THRB: variants seen among roughly 807,000 people sequenced by gnomAD.
The protein encoded by THRB is nuclear receptor subfamily 1 group A member 2.
A neutral mutation model predicts 47.8 loss-of-function variants in THRB; 12 were observed. The observed-to-expected ratio is 0.25, with a 90% confidence interval of 0.16 to 0.41. THRB has a LOEUF of 0.41. Ranked by LOEUF, THRB falls within the 10% of genes least tolerant of loss-of-function variation. The pLI is 1.00. For missense variants in THRB, 348 were observed against 589.2 expected (o/e 0.59, Z 4.24); for synonymous variants, 218 against 212.2 (o/e 1.03, Z -0.24).
At chr3:24,262,456 C>T (rs969389090) in intron 3 of THRB, among the ~76,000 whole-genome samples, 2 of 152,212 alleles carry the variant, frequency 1.3e-5, no homozygotes, top group Non-Finnish European at 2.9e-5. Flanking sequence ...TCCTATCACA[C>T]TTGGGGTAAA....
intron 3 of THRB, 104 bp downstream of exon 3, chr3:24,297,122 A>G (rs1408819770): frequency 6.6e-6 from 1 of 152,234 alleles, no homozygotes; most frequent in Non-Finnish European, 1.5e-5. Context: ...GAGACAATGA[A>G]TTAATAAGAA....
intron 1 of THRB, among the ~76,000 whole-genome samples, chr3:24,396,212 C>A (rs1167464607): frequency 6.6e-6 from 1 of 152,056 alleles, no homozygotes; most frequent in Non-Finnish European, 1.5e-5. Context: ...CCACATACCT[C>A]ACTATAGACC....
intron 4 of THRB, among the ~76,000 whole-genome samples, chr3:24,203,004 A>G (rs976490528): frequency 6.6e-6 from 1 of 152,220 alleles, no homozygotes; most frequent in African/African-American, 2.4e-5. Context: ...TGTAATTACT[A>G]TGGGCCATTT....
rs150598209 is a variant in THRB, at chr3:24,271,041, C to T, written c.-43+26185G>A. On this transcript the variant is annotated intron_variant, in intron 3 of 10. Coordinates refer to ENST00000646209, the MANE Select transcript of THRB (RefSeq NM_001354712.2). ...TTAGAGATAACATCCAAACCATAGCCCTCCCTAGGCATGTGAGGATAACTT... is the reference window on the plus strand; with the variant it reads ...TTAGAGATAACATCCAAACCATAGCTCTCCCTAGGCATGTGAGGATAACTT... Among the ~76,000 whole-genome samples, 650 of 152,206 alleles carry T rather than the reference C, an allele frequency of 4.3e-3. 4 individuals carry two copies. The highest frequency in any genetic ancestry group is 6.9e-3 in the Non-Finnish European group (469 of 68,022).
chr3:24,442,626 A>G (rs1239445820), intron 1 of THRB, among the ~76,000 whole-genome samples: 1 of 152,016 alleles, frequency 6.6e-6, no homozygotes, highest in South Asian at 2.1e-4. Context: ...GGAGCTCGAG[A>G]CCAGCCTGAC....
intron 5 of THRB, among the ~76,000 whole-genome samples, chr3:24,177,875 T>C (rs1475671946): frequency 1.3e-5 from 2 of 152,194 alleles, no homozygotes; most frequent in Non-Finnish European, 2.9e-5. Flanking sequence ...TATGATTGGA[T>C]TGTGGAAAGA....
intron 2 of THRB, among the ~76,000 whole-genome samples, chr3:24,304,692 T>C (rs2057213173): frequency 6.6e-6 from 1 of 152,106 alleles, no homozygotes; most frequent in South Asian, 2.1e-4. Flanking sequence ...TGCTGAAATA[T>C]AGTGGAAAAC....
intron 1 of THRB, among the ~76,000 whole-genome samples, chr3:24,444,098 A>G (rs536694455): frequency 1.3e-5 from 2 of 152,334 alleles, no homozygotes; most frequent in African/African-American, 2.4e-5. Context: ...AAAAAAATCT[A>G]TCATCAAATA....
intron 5 of THRB, among the ~76,000 whole-genome samples, chr3:24,164,625 G>A (rs1202106279): frequency 6.6e-6 from 1 of 152,124 alleles, no homozygotes; most frequent in Non-Finnish European, 1.5e-5. Context: ...TCAAAATGAA[G>A]TGCCAAGGAA....
chr3:24,412,665 T>C (rs1424557063), intron 1 of THRB, among the ~76,000 whole-genome samples: 1 of 151,694 alleles, frequency 6.6e-6, no homozygotes, highest in Non-Finnish European at 1.5e-5. Context: ...CCAACATAAA[T>C]GAAAAGGGAT....
chr3:24,199,478 T>C (rs543627780), intron 4 of THRB, among the ~76,000 whole-genome samples: 21 of 152,284 alleles, frequency 1.4e-4, no homozygotes, highest in African/African-American at 3.6e-4. Flanking sequence ...TCCTATTTCA[T>C]TGGTGGGGAT....
chr3:24,177,223 CATT>C (rs1233216822), intron 5 of THRB, among the ~76,000 whole-genome samples: 2 of 152,040 alleles, frequency 1.3e-5, no homozygotes, highest in African/African-American at 4.8e-5. Context: ...AAAATGGAAT[CATT>C]ATTTTTGAAA....
rs575332440 is a variant in THRB at position 24,169,045 on chromosome 3, TAAAG to T, written c.284-16559_284-16556del. ...CTAACTGTACTTGCAAAAATACACA[TAAAG>T]AAAGATAATTGATAAGCTTTAAAGC... On this transcript the variant is annotated intron_variant, in intron 5 of 10. Transcript: ENST00000646209. Among the ~76,000 whole-genome samples the T allele has an allele frequency of 1.9e-3, 288 of 152,224 alleles. 1 individual carries two copies. The highest frequency in any genetic ancestry group is 6.8e-3 in the African/African-American group (283 of 41,528).
intron 5 of THRB, among the ~76,000 whole-genome samples, chr3:24,180,803 C>T (rs77802610): frequency 0.019 from 2,841 of 152,206 alleles, 100 homozygotes; most frequent in African/African-American, 0.065. Flanking sequence ...ACAGGTGATA[C>T]GGTTCCCCCA....
chr3:24,197,997 A>C (rs1228918973), intron 4 of THRB, among the ~76,000 whole-genome samples: 1 of 152,240 alleles, frequency 6.6e-6, no homozygotes, highest in Non-Finnish European at 1.5e-5. Context: ...TTAATCGGTT[A>C]GTCCACTAAC....
At chr3:24,222,304 G>A (rs1559648526) in intron 4 of THRB, among the ~76,000 whole-genome samples, 1 of 152,194 alleles carries the variant, frequency 6.6e-6, no homozygotes, top group Non-Finnish European at 1.5e-5. Flanking sequence ...GCTTTCCAAG[G>A]TAAGTGAGGT....
At chr3:24,319,101 C>T (rs189992477) in intron 2 of THRB, among the ~76,000 whole-genome samples, 196 of 152,318 alleles carry the variant, frequency 1.3e-3, no homozygotes, top group African/African-American at 4.3e-3. Flanking sequence ...AAAAGACTAA[C>T]ATTATCAAGT....
At chr3:24,328,087 A>G (rs557647097) in intron 2 of THRB, among the ~76,000 whole-genome samples, 1 of 152,358 alleles carries the variant, frequency 6.6e-6, no homozygotes, top group East Asian at 1.9e-4. Flanking sequence ...ACATTAAAGC[A>G]GCCTCACTAT....
chr3:24,418,994 G>A (rs2068997817), intron 1 of THRB, among the ~76,000 whole-genome samples: 1 of 151,866 alleles, frequency 6.6e-6, no homozygotes, highest in African/African-American at 2.4e-5. Flanking sequence ...CATACCTGCA[G>A]TGCCCATGAC....
Sources: gnomAD v4.1 joint callset for allele counts (sites outside exome capture counted in the v4.1 genomes callset) on GRCh38, gnomAD v4.1.1 for gene constraint, MANE v1.5 for transcripts, NCBI Gene and HGNC (gene_info 2026-07-23, HGNC 2026-07-21) for gene names.